The following POP4 variants were observed in gnomAD, a reference collection of about 807,000 sequenced individuals.
The protein encoded by POP4 is POP4 ribonuclease P/MRP subunit, also known as ribonuclease P protein subunit p29.
Under a neutral mutation model 29.9 loss-of-function variants are expected in POP4, and 31 were observed. That is an observed-to-expected ratio of 1.04 (90% confidence interval 0.78 to 1.40). The LOEUF is 1.40. POP4 is among the 40% of genes most tolerant of loss of function. POP4 has a pLI of 0.00. For synonymous variants in POP4, 110 were observed against 108.2 expected, an observed-to-expected ratio of 1.02 and a Z score of -0.10; for missense variants, 286 against 282.7, an observed-to-expected ratio of 1.01 and a Z score of -0.08.
intron 5 of POP4, 116 bp from the exon 6 acceptor site, chr19:29,613,755 T>A: frequency 2.0e-6 from 3 of 1,473,966 alleles, no homozygotes; most frequent in Non-Finnish European, 2.7e-6. Flanking sequence ...TGCTCTGTTC[T>A]TTCATCTGCT....
At position 29,615,551 on chromosome 19, in the gene POP4, A is replaced by T. The variant is rs1250894145; in HGVS notation, c.*171A>T. On this transcript the variant is annotated 3_prime_UTR_variant, in exon 7 of 7. Transcript: ENST00000585603. Reference sequence around the variant, plus strand: ...AACATGGGAAGGTCGCAGCGTACTAAGTGAAGAAGTCAGAGGACAGAGGAA... The same window carrying T: ...AACATGGGAAGGTCGCAGCGTACTATGTGAAGAAGTCAGAGGACAGAGGAA... The T allele has an allele frequency of 4.9e-6, 3 of 615,556 alleles. No individual in the cohort carries two copies. Among genetic ancestry groups the T allele is most frequent in the African/African-American group, 1.8e-5 (1 of 54,422 alleles). 38.1% of individuals were successfully genotyped at this position (615,556 alleles called of 1,614,324 possible). A position where few individuals can be genotyped will look rare whatever the true frequency, so the allele number is the denominator to read the frequency against.
At chr19:29,611,821 C>T (rs759057099) in intron 3 of POP4, 41 bp from the exon 4 acceptor site, 5 of 1,535,702 alleles carry the variant, frequency 3.3e-6, no homozygotes, top group Non-Finnish European at 1.8e-6. Flanking sequence ...ATCCCAAGCT[C>T]ATGTTGTCTA....
chr19:29,607,551 T>C (rs1052673955), intron 1 of POP4, among the ~76,000 whole-genome samples: 2 of 152,252 alleles, frequency 1.3e-5, no homozygotes, highest in African/African-American at 4.8e-5. Flanking sequence ...CAGAGTATAG[T>C]GTAAATTACA....
rs1971142261 is a variant in POP4, at chr19:29,617,186, C to T, written c.*1806C>T. On this transcript the variant is annotated 3_prime_UTR_variant, in exon 7 of 7. Coordinates refer to ENST00000585603, the MANE Select transcript of POP4 (RefSeq NM_006627.3). ...CATCCCGCTCTTACCCGCCCCTCTG[C>T]AATGTAAAAGGCGTCCACTGTTGTG... 1 of 152,282 alleles carries T rather than the reference C, an allele frequency of 6.6e-6. No individual in the cohort carries two copies. The highest frequency in any genetic ancestry group is 2.1e-4 in the South Asian group (1 of 4,836). The allele number at this position is 152,282 out of a possible 1,614,324, so 9.4% of individuals were successfully genotyped here. A position where few individuals can be genotyped will look rare whatever the true frequency, so the allele number is the denominator to read the frequency against.
chr19:29,615,988 TG>T lies in POP4; in HGVS notation c.*612del. Reference sequence around the variant, plus strand: ...GTTTATTCACTTCAGGAATCATAGCTGGGGTGGACCCCAGGAGCAGAGTACT... The same window carrying T: ...GTTTATTCACTTCAGGAATCATAGCTGGGTGGACCCCAGGAGCAGAGTACT... On this transcript the variant is annotated 3_prime_UTR_variant, in exon 7 of 7. Coordinates refer to ENST00000585603, the MANE Select transcript of POP4 (RefSeq NM_006627.3). The T allele has an allele frequency of 6.6e-6, 1 of 152,422 alleles. No homozygotes were observed. The highest frequency in any genetic ancestry group is 1.5e-5 in the Non-Finnish European group (1 of 68,118). The allele number at this position is 152,422 out of a possible 1,614,324, so 9.4% of individuals were successfully genotyped here.
rs558179808 is a variant in POP4 at position 29,608,644 on chromosome 19, T to A, written c.8-13T>A. The A allele has an allele frequency of 6.0e-4, 973 of 1,612,656 alleles. 6 individuals carry two copies. In the African/African-American group the frequency reaches 0.011, roughly 19 times the overall value. On this transcript the variant is annotated splice_polypyrimidine_tract_variant and intron_variant, in intron 1 of 6. Transcript: ENST00000585603. ...CAACAAGAATTGATCATTTCTTTTT[T>A]TTAATCCCCCAGGTGTGATCTACCA...
chr19:29,613,773 A>G lies in POP4; in HGVS notation c.425-98A>G, dbSNP rs572223308. 3.3e-6 allele frequency: 5 copies of G among 1,501,912 alleles called. No individual in the cohort carries two copies. In the Admixed American group the frequency reaches 7.3e-5, roughly 22 times the overall value. 93.0% of individuals were successfully genotyped at this position (1,501,912 alleles called of 1,614,324 possible). On this transcript the variant is annotated intron_variant, in intron 5 of 6. Transcript: ENST00000585603. ...TCTGTTCTTTCATCTGCTAGCTCAG[A>G]GGGTGGGATCAGCACCCCCAACCCC...
intron 1 of POP4, among the ~76,000 whole-genome samples, chr19:29,607,056 A>G (rs908228050): frequency 3.3e-5 from 5 of 152,176 alleles, no homozygotes; most frequent in Non-Finnish European, 5.9e-5. Context: ...GTTGCTCTCT[A>G]CAGTTTATAA....
intron 3 of POP4, 169 bp downstream of exon 3, chr19:29,610,801 G>A (rs1014373302): frequency 1.5e-5 from 10 of 662,006 alleles, no homozygotes; most frequent in Non-Finnish European, 2.3e-5. Flanking sequence ...TGTGTTCAGC[G>A]AGGCGGGTGA....
At chr19:29,608,549 TATGAGCCACTGCGCCTA>T in intron 1 of POP4, 91 bp from the exon 2 acceptor site, 5 of 1,094,948 alleles carry the variant, frequency 4.6e-6, no homozygotes, top group Non-Finnish European at 6.9e-6. Flanking sequence ...GGACTACAGG[TATGAGCCACTGCGCCTA>T]GTGGCGTAGT....
intron 2 of POP4, 91 bp from the exon 3 acceptor site, chr19:29,610,318 A>G: frequency 8.1e-7 from 1 of 1,233,680 alleles, no homozygotes; most frequent in South Asian, 1.5e-5. Flanking sequence ...TTGCTCTTGC[A>G]GTAGCTGCCG....
chr19:29,606,440 T>C (rs1970998258), intron 1 of POP4, 115 bp downstream of exon 1: 2 of 1,246,484 alleles, frequency 1.6e-6, no homozygotes, highest in Admixed American at 6.3e-5. Context: ...ACAGAACCGC[T>C]ACAGGAATGG....
chr19:29,613,972 GGTAT>G lies in POP4; in HGVS notation c.526+4_526+7del. The G allele has an allele frequency of 6.2e-7, 1 of 1,610,782 alleles. No individual in the cohort carries two copies. Among genetic ancestry groups the G allele is most frequent in the Non-Finnish European group, 8.5e-7 (1 of 1,178,906 alleles). On this transcript the variant is annotated splice_donor_variant and splice_donor_region_variant and intron_variant, in intron 6 of 6. Transcript: ENST00000585603. LOFTEE classifies it high-confidence loss of function. ...TATCACCAAAGAAGACCGCCTGAAA[GGTAT>G]GTAGGTGTTTCTGAGGGCATTGCTT...
Position 29,615,250 on chromosome 19 carries a change from C to A in POP4, c.533C>A (p.Pro178His). Residue 178 changes from proline to histidine, a missense_variant, in exon 7 of 7, where the codon CCC (proline) becomes CAC (histidine). Pro to His is a moderately conservative substitution (Grantham distance 77). Coordinates refer to ENST00000585603, the MANE Select transcript of POP4 (RefSeq NM_006627.3). Reference sequence around the variant, plus strand: ...TTTTTTTTTTTTTTTTCAGTTATCCCCAAGCTAAACTGCGTGTTCACTGTG... The same window carrying A: ...TTTTTTTTTTTTTTTTCAGTTATCCACAAGCTAAACTGCGTGTTCACTGTG... ...ITKEDRLKVI[P>H]KLNCVFTVET... is the part of the protein sequence containing the mutation. 6.4e-7 allele frequency: 1 copy of A among 1,560,086 alleles called. No homozygotes were observed. Among genetic ancestry groups the A allele is most frequent in the South Asian group, 1.2e-5 (1 of 81,304 alleles).
intron 1 of POP4, 48 bp downstream of exon 1, chr19:29,606,373 G>A (rs778884770): frequency 1.9e-6 from 3 of 1,585,076 alleles, no homozygotes; most frequent in East Asian, 4.7e-5. Context: ...TTAAGGGTCG[G>A]GGTCTTGGTA....
intron 5 of POP4, 87 bp from the exon 6 acceptor site, chr19:29,613,779 GGATCA>G: frequency 6.6e-7 from 1 of 1,513,872 alleles, no homozygotes; most frequent in East Asian, 2.3e-5. Context: ...TCAGAGGGTG[GGATCA>G]GCACCCCCAA....
intron 1 of POP4, among the ~76,000 whole-genome samples, chr19:29,607,102 T>C (rs1971006851): frequency 6.6e-6 from 1 of 152,126 alleles, no homozygotes; most frequent in Non-Finnish European, 1.5e-5. Context: ...CTAGATGCTA[T>C]ATATAAAACT....
intron 1 of POP4, 58 bp from the exon 2 acceptor site, chr19:29,608,599 T>G: frequency 6.5e-7 from 1 of 1,529,148 alleles, no homozygotes. Context: ...TAGAAAAGTC[T>G]TGGGTCTTAC....
intron 3 of POP4, chr19:29,611,435 C>T (rs147337240): frequency 0.01 from 1,981 of 197,342 alleles, 27 homozygotes; most frequent in South Asian, 0.028. Context: ...CCCCTGCTCC[C>T]CGCTTCTTCT....
Sources: gnomAD v4.1 joint callset for allele counts (sites outside exome capture counted in the v4.1 genomes callset) on GRCh38, gnomAD v4.1.1 for gene constraint, MANE v1.5 for transcripts, NCBI Gene and HGNC (gene_info 2026-07-23, HGNC 2026-07-21) for gene names.